The following GFOD1 variants were observed in gnomAD, a reference collection of about 807,000 sequenced individuals.
The protein encoded by GFOD1 is Gfo/Idh/MocA-like oxidoreductase domain containing 1, also known as glucose-fructose oxidoreductase domain-containing protein 1.
Under a neutral mutation model 25.4 loss-of-function variants are expected in GFOD1, and 9 were observed. The ratio of observed to expected loss-of-function variants is 0.35; its 90% confidence interval spans 0.21 to 0.62. GFOD1 has a LOEUF of 0.62. Among genes scored for constraint, GFOD1 ranks in the 20% least tolerant of loss-of-function variants. The probability of loss-of-function intolerance (pLI) is 0.72; values close to 1 mark genes in which losing one functional copy is unlikely to be tolerated. For missense variants in GFOD1, 403 were observed against 556.9 expected (o/e 0.72, Z 2.78); for synonymous variants, 253 against 245.6 (o/e 1.03, Z -0.28).
chr6:13,391,314 A>G (rs1192103618), intron 1 of GFOD1, among the ~76,000 whole-genome samples: 2 of 152,128 alleles, frequency 1.3e-5, no homozygotes, highest in Admixed American at 6.5e-5. Context: ...CCTGGCCAAC[A>G]TGGCAAAACC....
In GFOD1 at chr6:13,363,333, T is replaced by C. The variant is rs1784976645; in HGVS notation, c.*1410A>G. On this transcript the variant is annotated 3_prime_UTR_variant, in exon 2 of 2. Coordinates refer to ENST00000379287, the MANE Select transcript of GFOD1 (RefSeq NM_018988.4). ...CTAACAAAACTCTGTAAGCAGAGTG[T>C]GCAAGGACAAGACAGACAGCAGACC... 6.6e-6 allele frequency: 1 copy of C among 152,134 alleles called. No homozygotes were observed. Among genetic ancestry groups the C allele is most frequent in the Non-Finnish European group, 1.5e-5 (1 of 68,030 alleles). 9.4% of individuals were successfully genotyped at this position (152,134 alleles called of 1,614,324 possible). A position where few individuals can be genotyped will look rare whatever the true frequency, so the allele number is the denominator to read the frequency against.
chr6:13,392,343 CAAAAAAAAAAAA>C (rs1035923592), intron 1 of GFOD1, among the ~76,000 whole-genome samples: 1 of 61,522 alleles, frequency 1.6e-5, no homozygotes, highest in Non-Finnish European at 3.3e-5. Context: ...GACCCTATCT[CAAAAAAAAAAAA>C]AAAAAAAAGA....
In GFOD1 at chr6:13,456,759, C is replaced by G. The variant is rs182155208; in HGVS notation, c.253+29879G>C. Among the ~76,000 whole-genome samples the G allele has an allele frequency of 5.3e-5, 8 of 152,288 alleles. No individual in the cohort carries two copies. The East Asian group carries it at 1.5e-3, about 29-fold the overall frequency. On this transcript the variant is annotated intron_variant, in intron 1 of 1. Transcript: ENST00000379287. Reference sequence around the variant, plus strand: ...GCCTGCACGCTGCTCGTCTTGGCCCCGCACAGATCTGTCTTGGGAGCCAGG... The same window carrying G: ...GCCTGCACGCTGCTCGTCTTGGCCCGGCACAGATCTGTCTTGGGAGCCAGG...
chr6:13,451,445 C>T lies in GFOD1; in HGVS notation c.253+35193G>A, dbSNP rs563866186. ...TCGCCAGCAGTTCAGTCATGATGTA[C>T]GAGAGCTTGTAGAGAACACAGGCTC... On this transcript the variant is annotated intron_variant, in intron 1 of 1. Coordinates refer to ENST00000379287, the MANE Select transcript of GFOD1 (RefSeq NM_018988.4). Among the ~76,000 whole-genome samples, 15 of 152,244 alleles carry T rather than the reference C, an allele frequency of 9.9e-5. 1 individual carries two copies. Among genetic ancestry groups the T allele is most frequent in the African/African-American group, 2.6e-4 (11 of 41,544 alleles).
chr6:13,390,382 G>A (rs1198378043), intron 1 of GFOD1, among the ~76,000 whole-genome samples: 1 of 152,010 alleles, frequency 6.6e-6, no homozygotes, highest in Non-Finnish European at 1.5e-5. Flanking sequence ...CTTAAACCCA[G>A]GAGTTCGAGA....
chr6:13,367,315 C>T (rs1485748485), intron 1 of GFOD1, among the ~76,000 whole-genome samples: 1 of 152,170 alleles, frequency 6.6e-6, no homozygotes, highest in Non-Finnish European at 1.5e-5. Flanking sequence ...CACAATTCCC[C>T]AGGATTGTAT....
intron 1 of GFOD1, chr6:13,469,466 C>T (rs993243076): frequency 7.1e-6 from 7 of 988,866 alleles, no homozygotes; most frequent in Non-Finnish European, 8.4e-6. Context: ...TCACCATTTC[C>T]CCGTTTCTAT....
At chr6:13,453,227 A>T (rs549546767) in intron 1 of GFOD1, among the ~76,000 whole-genome samples, 88 of 152,212 alleles carry the variant, frequency 5.8e-4, no homozygotes, top group Non-Finnish European at 1.0e-3. Flanking sequence ...TCCTGCTTCC[A>T]GGTCGATCCA....
At chr6:13,371,339 T>C (rs896687503) in intron 1 of GFOD1, among the ~76,000 whole-genome samples, 5 of 152,196 alleles carry the variant, frequency 3.3e-5, no homozygotes, top group African/African-American at 9.7e-5. Flanking sequence ...TTCTTACTCC[T>C]AGGTGAACAA....
At chr6:13,399,380 T>C (rs898867839) in intron 1 of GFOD1, among the ~76,000 whole-genome samples, 3 of 152,174 alleles carry the variant, frequency 2.0e-5, no homozygotes, top group Non-Finnish European at 4.4e-5. Flanking sequence ...CCTAGAAATT[T>C]ACCAAAGAGA....
intron 1 of GFOD1, among the ~76,000 whole-genome samples, chr6:13,403,393 T>A (rs1351794316): frequency 6.6e-6 from 1 of 152,214 alleles, no homozygotes; most frequent in Non-Finnish European, 1.5e-5. Context: ...CCCAAAGTGC[T>A]AGGATTACAG....
chr6:13,423,736 A>C (rs1786300209), intron 1 of GFOD1, among the ~76,000 whole-genome samples: 1 of 152,224 alleles, frequency 6.6e-6, no homozygotes, highest in Non-Finnish European at 1.5e-5. Context: ...ATGGCCCTAC[A>C]TGAAGTTCCT....
chr6:13,365,946 C>T lies in GFOD1; in HGVS notation c.254-284G>A, dbSNP rs1785038541. Among the ~76,000 whole-genome samples the T allele has an allele frequency of 1.3e-5, 2 of 149,460 alleles. No homozygotes were observed. Among genetic ancestry groups the T allele is most frequent in the Non-Finnish European group, 3.0e-5 (2 of 67,518 alleles). On this transcript the variant is annotated intron_variant, in intron 1 of 1. Coordinates refer to ENST00000379287, the MANE Select transcript of GFOD1 (RefSeq NM_018988.4). The surrounding 1 kb of genome is among the most constrained non-coding windows in gnomAD (Gnocchi z 9.2). ...AATGAGCCGGGCGTGGTGGTGCACG[C>T]CTGTGGTCCCAGCTACTCAGGAGGC...
rs1562202754 is a variant in GFOD1, at chr6:13,390,784, GAAGGAAGGA to G, written c.254-25131_254-25123del. ...GAAAGAGAGAGAGAGAGAGAGAAAG[GAAGGAAGGA>G]AGGAAGGAAGGAAGGAAGGAAGGAA... On this transcript the variant is annotated intron_variant, in intron 1 of 1. Transcript: ENST00000379287. Among the ~76,000 whole-genome samples the G allele has an allele frequency of 2.6e-3, 325 of 125,296 alleles. 4 individuals carry two copies. The highest frequency in any genetic ancestry group is 9.0e-3 in the African/African-American group (311 of 34,578). 82.2% of individuals were successfully genotyped at this position (125,296 alleles called of 152,430 possible).
In GFOD1 at chr6:13,390,780, AAAGGAAGGAAGGAAGGAAGGAAGG is replaced by A. The variant is rs58707530; in HGVS notation, c.254-25142_254-25119del. On this transcript the variant is annotated intron_variant, in intron 1 of 1. Transcript: ENST00000379287. ...GAGAGAAAGAGAGAGAGAGAGAGAG[AAAGGAAGGAAGGAAGGAAGGAAGG>A]AAGGAAGGAAGGAAGGAAGGAAGGA... Among the ~76,000 whole-genome samples the A allele has an allele frequency of 5.9e-5, 7 of 117,904 alleles. 1 individual carries two copies. Among genetic ancestry groups the A allele is most frequent in the East Asian group, 4.7e-4 (2 of 4,242 alleles). 77.3% of individuals were successfully genotyped at this position (117,904 alleles called of 152,430 possible). A position where few individuals can be genotyped will look rare whatever the true frequency, so the allele number is the denominator to read the frequency against.
chr6:13,365,764 G>A lies in GFOD1; in HGVS notation c.254-102C>T, dbSNP rs1368717379. The A allele has an allele frequency of 2.2e-5, 20 of 911,970 alleles. 1 individual carries two copies. Among genetic ancestry groups the A allele is most frequent in the South Asian group, 2.0e-4 (12 of 60,724 alleles). 56.5% of individuals were successfully genotyped at this position (911,970 alleles called of 1,614,324 possible). On this transcript the variant is annotated intron_variant, in intron 1 of 1. Transcript: ENST00000379287. This position sits in a 1 kb window ranked among gnomAD's most constrained non-coding sequence, Gnocchi z 9.2. ...TATTTCACATTAATAGAAAAAGAAGGTCAGATGTGGTGGCTCATGCCTGTT... is the reference window on the plus strand; with the variant it reads ...TATTTCACATTAATAGAAAAAGAAGATCAGATGTGGTGGCTCATGCCTGTT...
intron 1 of GFOD1, chr6:13,469,876 C>T (rs1197775514): frequency 8.3e-5 from 103 of 1,235,208 alleles, no homozygotes; most frequent in Non-Finnish European, 1.0e-4. Context: ...CGTACTATGT[C>T]TCACACCAAA....
rs886884144 is a variant in GFOD1, at chr6:13,388,201, T to C, written c.254-22539A>G. On this transcript the variant is annotated intron_variant, in intron 1 of 1. Coordinates refer to ENST00000379287, the MANE Select transcript of GFOD1 (RefSeq NM_018988.4). ...TGGCCATACTGCCCAAGGTAATTTA[T>C]AGATTCAATGCTATCTCCATCAAGT... is the stretch of plus-strand genomic sequence containing the variant. Among the ~76,000 whole-genome samples the C allele has an allele frequency of 5.3e-5, 8 of 152,220 alleles. No homozygotes were observed. The East Asian group carries it at 1.2e-3, about 22-fold the overall frequency.
At chr6:13,426,715 C>T (rs1170084871) in intron 1 of GFOD1, among the ~76,000 whole-genome samples, 1 of 152,186 alleles carries the variant, frequency 6.6e-6, no homozygotes, top group Non-Finnish European at 1.5e-5. Context: ...CGCAAGGCAA[C>T]CCCTGAGCGA....
Sources: gnomAD v4.1 joint callset for allele counts (sites outside exome capture counted in the v4.1 genomes callset) on GRCh38, gnomAD v4.1.1 for gene constraint, Gnocchi (gnomAD v3.1) non-coding constraint, MANE v1.5 for transcripts, NCBI Gene and HGNC (gene_info 2026-07-23, HGNC 2026-07-21) for gene names.